Variants in EFCAB5 observed in about 807,000 individuals in gnomAD.
EFCAB5 encodes the protein EF-hand calcium binding domain 5.
In EFCAB5, 131 loss-of-function variants were observed where a neutral mutation model predicts 167.9. The observed-to-expected ratio is 0.78, with a 90% CI of 0.68 to 0.90. The LOEUF (loss-of-function observed/expected upper bound fraction) is 0.90, where lower values mean the gene tolerates loss of function less well. Among genes scored for constraint, EFCAB5 ranks in the 40% least tolerant of loss-of-function variants. The probability of loss-of-function intolerance (pLI) is 0.00; values close to 1 mark genes in which losing one functional copy is unlikely to be tolerated. For missense variants in EFCAB5, 1,663 were observed against 1,745.2 expected (o/e 0.95, Z 0.84); for synonymous variants, 574 against 602.8 (o/e 0.95, Z 0.70).
At chr17:30,058,075 G>A (rs557216715) in intron 13 of EFCAB5, among the ~76,000 whole-genome samples, 185 bp downstream of exon 13, 4 of 152,172 alleles carry the variant, frequency 2.6e-5, no homozygotes, top group Admixed American at 6.5e-5. Context: ...ACACTCCAGA[G>A]AACTCATTCC....
intron 6 of EFCAB5, among the ~76,000 whole-genome samples, chr17:29,998,457 G>C (rs1266014811): frequency 6.6e-6 from 1 of 152,112 alleles, no homozygotes; most frequent in Non-Finnish European, 1.5e-5. Flanking sequence ...ATACTGTAAT[G>C]AGTAAGAGAA....
rs553115905 is a variant in EFCAB5 at position 29,991,228 on chromosome 17, A to G, written c.768-1937A>G. ...TGTCACTCCAGTGACCCTTCGACCC[A>G]GGTTCCAGCCCCATGTATGGGCGCC... On this transcript the variant is annotated intron_variant, in intron 4 of 22. Coordinates refer to ENST00000394835, the MANE Select transcript of EFCAB5 (RefSeq NM_198529.4). Among the ~76,000 whole-genome samples the G allele has an allele frequency of 7.2e-5, 11 of 152,250 alleles. No individual in the cohort carries two copies. The East Asian group carries it at 2.1e-3, about 29-fold the overall frequency.
intron 4 of EFCAB5, among the ~76,000 whole-genome samples, chr17:29,969,744 C>T (rs2067911042): frequency 6.6e-6 from 1 of 151,936 alleles, no homozygotes; most frequent in Admixed American, 6.6e-5. Context: ...GAAAAGTTTC[C>T]CTCCCATTCT....
At chr17:29,948,885 A>C (rs1366055824) in intron 3 of EFCAB5, among the ~76,000 whole-genome samples, 2 of 152,158 alleles carry the variant, frequency 1.3e-5, no homozygotes. Flanking sequence ...TTATCTATTG[A>C]ATTTTAATTC....
chr17:30,027,732 T>G (rs1462183984), intron 7 of EFCAB5, among the ~76,000 whole-genome samples: 1 of 152,086 alleles, frequency 6.6e-6, no homozygotes, highest in Non-Finnish European at 1.5e-5. Context: ...AGTGAGGCAC[T>G]TGGTCACTCG....
rs935390532 is a variant in EFCAB5, at chr17:30,075,073, G to A, written c.2738-3142G>A. On this transcript the variant is annotated intron_variant, in intron 14 of 22. Transcript: ENST00000394835. ...TCCAAGTCTAATCCAACACAACAGG[G>A]TTCATTCTAGTTTCTTCTCATTCCC... Among the ~76,000 whole-genome samples, 13 of 152,128 alleles carry A rather than the reference G, an allele frequency of 8.5e-5. 1 individual carries two copies. The highest frequency in any genetic ancestry group is 7.9e-4 in the Admixed American group (12 of 15,282).
intron 18 of EFCAB5, among the ~76,000 whole-genome samples, chr17:30,083,481 T>C (rs553972412): frequency 1.3e-5 from 2 of 152,174 alleles, no homozygotes; most frequent in East Asian, 3.9e-4. Context: ...GAAGACGGAG[T>C]CTCGCTCTTG....
intron 4 of EFCAB5, among the ~76,000 whole-genome samples, chr17:29,975,908 A>G (rs2068055523): frequency 6.6e-6 from 1 of 152,204 alleles, no homozygotes; most frequent in Non-Finnish European, 1.5e-5. Flanking sequence ...ATTGCACACT[A>G]AAGTTTCAAG....
At chr17:30,069,502 T>A (rs977143742) in intron 14 of EFCAB5, 13 of 1,605,112 alleles carry the variant, frequency 8.1e-6, no homozygotes, top group Non-Finnish European at 1.1e-5. Context: ...TGGGGGCAAC[T>A]GAAAATATCA....
At chr17:29,996,506 A>C (rs1219482535) in intron 6 of EFCAB5, 146 bp downstream of exon 6, 2 of 635,270 alleles carry the variant, frequency 3.1e-6, no homozygotes, top group Non-Finnish European at 5.4e-6. Context: ...GTCCAGATAC[A>C]GAATGTATAC....
intron 8 of EFCAB5, among the ~76,000 whole-genome samples, chr17:30,043,790 A>G (rs1484323775): frequency 6.6e-6 from 1 of 152,212 alleles, no homozygotes; most frequent in Non-Finnish European, 1.5e-5. Flanking sequence ...AAAATTCAGT[A>G]TTGTTAGTCC....
chr17:30,073,310 G>A (rs1262048000), intron 14 of EFCAB5: 2 of 543,906 alleles, frequency 3.7e-6, no homozygotes, highest in Non-Finnish European at 6.5e-6. Flanking sequence ...TCTCACCTCA[G>A]TCTCCCGAAG....
intron 19 of EFCAB5, among the ~76,000 whole-genome samples, chr17:30,088,675 C>T (rs2071135699): frequency 1.3e-5 from 2 of 152,218 alleles, no homozygotes; most frequent in South Asian, 4.1e-4. Context: ...GTAAACAGAT[C>T]TTAACTGAGA....
chr17:30,053,650 C>G lies in EFCAB5; in HGVS notation c.1696C>G (p.Gln566Glu), dbSNP rs750247769. 4.3e-6 allele frequency: 7 copies of G among 1,613,894 alleles called. No homozygotes were observed. The East Asian group carries it at 1.3e-4, about 31-fold the overall frequency. ...QGSSRRLLTE[Q>E]ETHRESTTEQ... ...GTCAAGTAGAAGGTTACTGACAGAA[C>G]AAGAAACACACAGAGAGTCAACTAC... The change falls in exon 10 of 23, where the codon CAA (glutamine) becomes GAA (glutamate). Residue 566 changes from glutamine to glutamate, a missense_variant. Coordinates refer to ENST00000394835, the MANE Select transcript of EFCAB5 (RefSeq NM_198529.4).
chr17:30,082,863 A>G, intron 17 of EFCAB5, 28 bp from the exon 18 acceptor site: 1 of 1,585,506 alleles, frequency 6.3e-7, no homozygotes, highest in Non-Finnish European at 8.6e-7. Flanking sequence ...TAAAAAGAAT[A>G]GGCTATTTGA....
At chr17:30,078,788 G>A (rs140130102) in intron 15 of EFCAB5, among the ~76,000 whole-genome samples, 69 of 152,334 alleles carry the variant, frequency 4.5e-4, no homozygotes, top group African/African-American at 1.7e-3. Context: ...AGTCAAATAA[G>A]CCTAGAATGG....
At chr17:30,068,243 A>G (rs1025576258) in intron 14 of EFCAB5, among the ~76,000 whole-genome samples, 7 of 152,108 alleles carry the variant, frequency 4.6e-5, no homozygotes, top group Non-Finnish European at 8.8e-5. Flanking sequence ...CGGAGCTTGC[A>G]GTGAGCTGAG....
chr17:30,074,741 A>G (rs1254907338), intron 14 of EFCAB5: 1 of 152,164 alleles, frequency 6.6e-6, no homozygotes, highest in Admixed American at 6.5e-5. Context: ...AATTTTCTGC[A>G]TCCTTTTAAC....
chr17:29,956,333 A>G (rs554203368), intron 3 of EFCAB5, among the ~76,000 whole-genome samples: 7 of 152,374 alleles, frequency 4.6e-5, no homozygotes, highest in Admixed American at 2.0e-4. Context: ...CCAGAAAAGG[A>G]TCAGAGCAAC....
Sources: allele counts gnomAD v4.1 joint callset (sites outside exome capture counted in the v4.1 genomes callset), GRCh38; gene constraint gnomAD v4.1.1; transcripts MANE v1.5; gene names NCBI Gene and HGNC (gene_info 2026-07-23, HGNC 2026-07-21).